The following DAB1 variants were observed in gnomAD, a reference collection of about 807,000 sequenced individuals.
The protein encoded by DAB1 is disabled homolog 1.
DAB1 carries 15 observed loss-of-function variants against 64.6 expected under a neutral mutation model. That is an observed-to-expected ratio of 0.23 (90% CI 0.16 to 0.36). The LOEUF is 0.36. DAB1 is among the 10% of genes least tolerant of loss of function. DAB1 has a pLI of 1.00. For synonymous variants in DAB1, 235 were observed against 251.9 expected (o/e 0.93, Z 0.64); for missense variants, 596 against 706.7 (o/e 0.84, Z 1.78).
chr1:58,018,872 T>C (rs1350504241), intron 5 of DAB1, among the ~76,000 whole-genome samples: 4 of 152,170 alleles, frequency 2.6e-5, no homozygotes, highest in Non-Finnish European at 4.4e-5. Context: ...GAAAAAGAAT[T>C]CCAATCAGTT....
intron 1 of DAB1, among the ~76,000 whole-genome samples, chr1:57,354,694 A>G (rs17423255): frequency 6.6e-6 from 1 of 151,876 alleles, no homozygotes; most frequent in African/African-American, 2.4e-5. Context: ...AAAGGAAGCA[A>G]TCTCTAGTTC....
At chr1:58,528,424 A>C (rs2100468016) in intron 1 of DAB1, among the ~76,000 whole-genome samples, 1 of 152,342 alleles carries the variant, frequency 6.6e-6, no homozygotes, top group East Asian at 1.9e-4. Flanking sequence ...ATAACAGCTC[A>C]TATTTATTGA....
At chr1:58,247,873 C>T (rs4436415) in intron 4 of DAB1, among the ~76,000 whole-genome samples, 150,414 of 150,840 alleles carry the variant, frequency 1, 74,996 homozygotes, top group Middle Eastern at 1. Flanking sequence ...TTAAGCTATC[C>T]CTGTCTCTCT....
At chr1:57,975,217 C>T (rs909628997) in intron 5 of DAB1, among the ~76,000 whole-genome samples, 2 of 152,156 alleles carry the variant, frequency 1.3e-5, no homozygotes, top group Non-Finnish European at 2.9e-5. Flanking sequence ...TGTGCCAGCA[C>T]CTTGATCTGG....
intron 9 of DAB1, among the ~76,000 whole-genome samples, chr1:57,039,896 G>A (rs1462226145): frequency 1.3e-5 from 2 of 152,294 alleles, no homozygotes; most frequent in Non-Finnish European, 1.5e-5. Flanking sequence ...CTAGTGTTAA[G>A]GGGAGATGGT....
intron 7 of DAB1, among the ~76,000 whole-genome samples, chr1:57,464,026 A>C (rs1401052896): frequency 6.6e-6 from 1 of 152,210 alleles, no homozygotes; most frequent in Non-Finnish European, 1.5e-5. Context: ...AGGAAGCTAA[A>C]CCATATTAAT....
upstream of DAB1, among the ~76,000 whole-genome samples, chr1:57,427,753 T>C (rs1685344390): frequency 6.6e-6 from 1 of 152,242 alleles, no homozygotes; most frequent in Non-Finnish European, 1.5e-5. Context: ...ATTTAAGATG[T>C]ACAAGATGAT....
chr1:57,545,309 C>T (rs992396687), intron 7 of DAB1, among the ~76,000 whole-genome samples: 2 of 152,230 alleles, frequency 1.3e-5, no homozygotes, highest in Non-Finnish European at 2.9e-5. Context: ...TTTTTCTCTA[C>T]CACACTATCT....
intron 7 of DAB1, among the ~76,000 whole-genome samples, chr1:57,447,296 C>A (rs1479473053): frequency 6.6e-6 from 1 of 152,178 alleles, no homozygotes; most frequent in Middle Eastern, 3.4e-3. Context: ...AGTGACTGGC[C>A]CATTGGACTT....
chr1:57,675,279 A>G (rs1646552739), intron 6 of DAB1, among the ~76,000 whole-genome samples: 1 of 152,224 alleles, frequency 6.6e-6, no homozygotes, highest in Admixed American at 6.5e-5. Flanking sequence ...ATAACTCAGA[A>G]GGAATTGTCT....
chr1:57,710,652 G>T (rs1323814), intron 6 of DAB1, among the ~76,000 whole-genome samples: 6 of 151,546 alleles, frequency 4.0e-5, no homozygotes, highest in Middle Eastern at 3.4e-3. Flanking sequence ...TTTTTTTTGG[G>T]GGGGGGAGGT....
chr1:57,069,469 GA>G (rs780543045), intron 7 of DAB1, 44 bp from the exon 8 acceptor site: 22 of 1,514,870 alleles, frequency 1.5e-5, no homozygotes, highest in East Asian at 2.3e-5. Flanking sequence ...AGGTGAAAAA[GA>G]AGAAAGGTAA....
intron 2 of DAB1, among the ~76,000 whole-genome samples, chr1:57,283,710 A>G (rs537652589): frequency 2.6e-5 from 4 of 152,342 alleles, no homozygotes; most frequent in Admixed American, 2.6e-4. Flanking sequence ...TGTAAGGAAG[A>G]GGAAGCAAAC....
intron 3 of DAB1, among the ~76,000 whole-genome samples, chr1:58,390,179 A>G (rs1031359077): frequency 6.6e-6 from 1 of 152,136 alleles, no homozygotes; most frequent in African/African-American, 2.4e-5. Context: ...GCTCCTTCTG[A>G]GGCAGACTTG....
At chr1:57,353,815 C>T (rs557825682) in intron 1 of DAB1, among the ~76,000 whole-genome samples, 7 of 152,222 alleles carry the variant, frequency 4.6e-5, no homozygotes, top group African/African-American at 1.7e-4. Context: ...CCCCAGAGCC[C>T]CAGGGCCTTC....
At chr1:58,383,585 T>TA (rs1644408023) in intron 3 of DAB1, among the ~76,000 whole-genome samples, 2 of 150,284 alleles carry the variant, frequency 1.3e-5, no homozygotes, top group South Asian at 4.3e-4. Flanking sequence ...GTTTCATACA[T>TA]ACATTTTTTC....
In DAB1 at chr1:57,752,139, G is replaced by A. The variant is rs77639365; in HGVS notation, n.552-102474C>T. On this transcript the variant is annotated intron_variant and non_coding_transcript_variant, in intron 6 of 20. Coordinates refer to the DAB1 transcript ENST00000485760. ...GATTCAAACCCACAATCAAATAGAA[G>A]CTTGAGTTCTCCGCTCATATAATTT... Among the ~76,000 whole-genome samples, 680 of 152,306 alleles carry A rather than the reference G, an allele frequency of 4.5e-3. 6 individuals are homozygous for A. The highest frequency in any genetic ancestry group is 0.015 in the African/African-American group (644 of 41,550).
intron 4 of DAB1, among the ~76,000 whole-genome samples, chr1:58,185,653 C>A (rs1341395428): frequency 1.3e-5 from 2 of 152,176 alleles, no homozygotes; most frequent in Non-Finnish European, 2.9e-5. Flanking sequence ...GCTGGAACTT[C>A]AGTAGTCTCC....
chr1:57,400,069 T>C (rs1439147513), intron 1 of DAB1, among the ~76,000 whole-genome samples: 1 of 152,192 alleles, frequency 6.6e-6, no homozygotes, highest in African/African-American at 2.4e-5. Flanking sequence ...TAAGAGGGCC[T>C]TTGGAATTAT....
Sources: allele counts gnomAD v4.1 joint callset (sites outside exome capture counted in the v4.1 genomes callset), GRCh38; gene constraint gnomAD v4.1.1; transcripts MANE v1.5; gene names NCBI Gene and HGNC (gene_info 2026-07-23, HGNC 2026-07-21).